The following DNAL1 variants were observed in gnomAD, a reference collection of about 807,000 sequenced individuals.
DNAL1 encodes the protein dynein axonemal light chain 1.
DNAL1 carries 17 observed loss-of-function variants against 29.4 expected under a neutral mutation model. The observed-to-expected ratio is 0.58, with a 90% CI of 0.40 to 0.87. DNAL1 has a LOEUF of 0.87. Among genes scored for constraint, DNAL1 ranks in the 40% least tolerant of loss-of-function variants. DNAL1 has a pLI of 0.00. For missense variants in DNAL1, 188 were observed against 214.1 expected, an observed-to-expected ratio of 0.88 and a Z score of 0.76; for synonymous variants, 78 against 76.3, an observed-to-expected ratio of 1.02 and a Z score of -0.12.
Position 73,689,430 on chromosome 14 carries a change from CA to C in DNAL1, c.449del (p.Asn150IlefsTer24). 2 of 1,558,496 alleles carry C rather than the reference CA, an allele frequency of 1.3e-6. No homozygotes were observed. Among genetic ancestry groups the C allele is most frequent in the Non-Finnish European group, 1.7e-6 (2 of 1,150,750 alleles). ...GCCTCGAAGACCTGGTGTTTGTAGG[CA>C]ATCCCTTGGAAGAGAAACATTCTGC... ...PCLEDLVFVG[N>X]PLEEKHSAEN... On this transcript the variant is annotated frameshift_variant, in exon 7 of 8. Coordinates refer to ENST00000553645, the MANE Select transcript of DNAL1 (RefSeq NM_031427.4). LOFTEE classifies it high-confidence loss of function.
At chr14:73,665,293 T>C (rs955898203) in intron 4 of DNAL1, among the ~76,000 whole-genome samples, 1 of 152,160 alleles carries the variant, frequency 6.6e-6, no homozygotes, top group Admixed American at 6.5e-5. Flanking sequence ...AGTAGAGTTG[T>C]GTGTGAGATG....
intron 5 of DNAL1, among the ~76,000 whole-genome samples, chr14:73,672,045 C>T (rs1418492258): frequency 6.6e-6 from 1 of 152,146 alleles, no homozygotes; most frequent in East Asian, 1.9e-4. Flanking sequence ...TTTCCCCTCC[C>T]AATAAATCTA....
chr14:73,699,054 A>C lies in DNAL1; in HGVS notation c.*3112A>C, dbSNP rs1230617109. ...TCAGCTGCAGCCCTGGCCTCTACCC[A>C]CTAGATTCCAGTAGACCCCCTCCTC... On this transcript the variant is annotated 3_prime_UTR_variant, in exon 8 of 8. Coordinates refer to ENST00000553645, the MANE Select transcript of DNAL1 (RefSeq NM_031427.4). The C allele has an allele frequency of 6.6e-6, 1 of 152,134 alleles. No homozygotes were observed. Among genetic ancestry groups the C allele is most frequent in the Non-Finnish European group, 1.5e-5 (1 of 68,034 alleles). 9.4% of individuals were successfully genotyped at this position (152,134 alleles called of 1,614,324 possible). A position where few individuals can be genotyped will look rare whatever the true frequency, so the allele number is the denominator to read the frequency against.
intron 5 of DNAL1, among the ~76,000 whole-genome samples, chr14:73,677,261 C>T (rs981173516): frequency 7.9e-5 from 12 of 151,914 alleles, no homozygotes; most frequent in Middle Eastern, 3.4e-3. Flanking sequence ...TGAGCCACCG[C>T]GCCCAGCCAG....
At chr14:73,695,846 T>A (rs1018680895) in intron 7 of DNAL1, 56 bp from the exon 8 acceptor site, 1 of 1,467,732 alleles carries the variant, frequency 6.8e-7, no homozygotes, top group African/African-American at 1.4e-5. Context: ...TATTTTCATC[T>A]AGAATTTTAG....
At chr14:73,650,339 A>G (rs756793795) in intron 1 of DNAL1, among the ~76,000 whole-genome samples, 9 of 151,922 alleles carry the variant, frequency 5.9e-5, no homozygotes, top group Non-Finnish European at 1.3e-4. Flanking sequence ...GTTACTTTTT[A>G]GTGGATTTTT....
At chr14:73,671,515 CAAA>C (rs747286974) in intron 4 of DNAL1, 24 bp from the exon 5 acceptor site, 7 of 1,430,410 alleles carry the variant, frequency 4.9e-6, no homozygotes, top group Non-Finnish European at 1.8e-6. Flanking sequence ...TTCTAGTAAA[CAAA>C]AAAATGTTTT....
At chr14:73,662,262 T>A (rs1354064276) in intron 4 of DNAL1, among the ~76,000 whole-genome samples, 1 of 152,186 alleles carries the variant, frequency 6.6e-6, no homozygotes. Context: ...TTTTATAGAG[T>A]TAGAATTGAG....
chr14:73,649,791 T>A (rs1451249063), intron 1 of DNAL1, among the ~76,000 whole-genome samples: 1 of 152,160 alleles, frequency 6.6e-6, no homozygotes, highest in Non-Finnish European at 1.5e-5. Context: ...CCCTTGGTAT[T>A]CATGTGGGAT....
At chr14:73,678,131 C>T (rs117000300) in intron 5 of DNAL1, among the ~76,000 whole-genome samples, 8,961 of 151,786 alleles carry the variant, frequency 0.059, 333 homozygotes, top group African/African-American at 0.1. Flanking sequence ...CTCCTGAGCT[C>T]GAGCAATCTG....
At chr14:73,694,906 C>G (rs1238400689) in intron 7 of DNAL1, among the ~76,000 whole-genome samples, 1 of 152,066 alleles carries the variant, frequency 6.6e-6, no homozygotes, top group Non-Finnish European at 1.5e-5. Context: ...CCAGGCTGGT[C>G]TCGAACCCCT....
At chr14:73,645,468 C>T (rs1363789968) in intron 1 of DNAL1, among the ~76,000 whole-genome samples, 4 of 152,092 alleles carry the variant, frequency 2.6e-5, no homozygotes, top group Non-Finnish European at 5.9e-5. Context: ...CAGCAGTTTT[C>T]GTAACCTGTG....
At chr14:73,673,786 G>A (rs574720916) in intron 5 of DNAL1, among the ~76,000 whole-genome samples, 3 of 151,656 alleles carry the variant, frequency 2.0e-5, no homozygotes, top group South Asian at 2.1e-4. Flanking sequence ...CCAGCTACTC[G>A]GGGAGGCTGA....
intron 7 of DNAL1, among the ~76,000 whole-genome samples, chr14:73,690,652 CAAA>C (rs1256253887): frequency 4.0e-5 from 4 of 100,238 alleles, no homozygotes; most frequent in Non-Finnish European, 6.4e-5. Context: ...AACTCCGTCT[CAAA>C]AAAAAAAAAA....
At chr14:73,680,797 C>T (rs1891857212) in intron 5 of DNAL1, among the ~76,000 whole-genome samples, 1 of 152,160 alleles carries the variant, frequency 6.6e-6, no homozygotes, top group Non-Finnish European at 1.5e-5. Flanking sequence ...ATGGTATAGC[C>T]TACTACATAC....
intron 1 of DNAL1, among the ~76,000 whole-genome samples, chr14:73,648,545 T>C (rs72719690): frequency 0.28 from 41,306 of 149,868 alleles, 6,115 homozygotes; most frequent in Non-Finnish European, 0.33. Flanking sequence ...CTGCGAGTAG[T>C]TGGGACTACA....
At chr14:73,653,334 C>G (rs1042131887) in intron 1 of DNAL1, 1 of 152,036 alleles carries the variant, frequency 6.6e-6, no homozygotes, top group Non-Finnish European at 1.5e-5. Flanking sequence ...GGCTGTTTGG[C>G]TCTAATTAAT....
At chr14:73,666,071 C>T (rs746168749) in intron 4 of DNAL1, among the ~76,000 whole-genome samples, 2 of 152,036 alleles carry the variant, frequency 1.3e-5, no homozygotes, top group Non-Finnish European at 2.9e-5. Flanking sequence ...CTGTGGCTAG[C>T]GAATACATTT....
chr14:73,674,872 G>C (rs1891695379), intron 5 of DNAL1, among the ~76,000 whole-genome samples: 1 of 151,872 alleles, frequency 6.6e-6, no homozygotes, highest in Non-Finnish European at 1.5e-5. Flanking sequence ...ATTTTTTTGA[G>C]CCAGGGTCTC....
Sources: gnomAD v4.1 joint callset for allele counts (sites outside exome capture counted in the v4.1 genomes callset) on GRCh38, gnomAD v4.1.1 for gene constraint, MANE v1.5 for transcripts, NCBI Gene and HGNC (gene_info 2026-07-23, HGNC 2026-07-21) for gene names.